The following UGT1A7 variants were observed in gnomAD, a reference collection of about 807,000 sequenced individuals.
The protein encoded by UGT1A7 is UDP-glucuronosyltransferase 1A7.
A neutral mutation model predicts 45.6 loss-of-function variants in UGT1A7; 33 were observed. The ratio of observed to expected loss-of-function variants is 0.72; its 90% CI spans 0.55 to 0.97. The LOEUF (loss-of-function observed/expected upper bound fraction) is 0.97, where lower values mean the gene tolerates loss of function less well. Among genes scored for constraint, UGT1A7 ranks in the 50% least tolerant of loss-of-function variants. UGT1A7 has a pLI of 0.00. For synonymous variants in UGT1A7, 274 were observed against 250.6 expected, an observed-to-expected ratio of 1.09 and a Z score of -0.88; for missense variants, 684 against 666.2, an observed-to-expected ratio of 1.03 and a Z score of -0.29.
intron 1 of UGT1A7, among the ~76,000 whole-genome samples, chr2:233,684,836 ATGGACACTGTATAG>A (rs1351698421): frequency 6.6e-6 from 1 of 152,246 alleles, no homozygotes; most frequent in Non-Finnish European, 1.5e-5. Flanking sequence ...AGAAAAATTT[ATGGACACTGTATAG>A]TGTTCCTTTC....
chr2:233,719,580 G>C, intron 1 of UGT1A7: 1 of 1,613,916 alleles, frequency 6.2e-7, no homozygotes, highest in Non-Finnish European at 8.5e-7. Context: ...CTATGCATCC[G>C]TGTGGCTGTT....
Position 233,769,430 on chromosome 2 carries a change from C to A in UGT1A7, c.1295+991C>A. On this transcript the variant is annotated intron_variant, in intron 4 of 4. Transcript: ENST00000373426. This position sits in a 1 kb window ranked among gnomAD's most constrained non-coding sequence, Gnocchi z 4.4. ...GTGTGCGTTTGTGCATGTGGCTGTG[C>A]TCATGTGTGGGTGCACACGTGTGCA... 1 of 1,537,408 alleles carries A rather than the reference C, an allele frequency of 6.5e-7. No individual in the cohort carries two copies. Among genetic ancestry groups the A allele is most frequent in the Non-Finnish European group, 8.9e-7 (1 of 1,118,580 alleles).
rs777601918 is a variant in UGT1A7, at chr2:233,713,151, A to G, written c.855+30359A>G. ...GGAGGCCTTGCGGGACCTCCATGCGAGAGGCCACCAGGTGGTGGTCCTCAC... is the reference window on the plus strand; with the variant it reads ...GGAGGCCTTGCGGGACCTCCATGCGGGAGGCCACCAGGTGGTGGTCCTCAC... On this transcript the variant is annotated intron_variant, in intron 1 of 4. Coordinates refer to ENST00000373426, the MANE Select transcript of UGT1A7 (RefSeq NM_019077.3). 26 of 1,614,124 alleles carry G rather than the reference A, an allele frequency of 1.6e-5. No individual in the cohort carries two copies. Among genetic ancestry groups the G allele is most frequent in the Non-Finnish European group, 2.2e-5 (26 of 1,180,052 alleles).
chr2:233,720,218 T>C (rs1362764993), intron 1 of UGT1A7, among the ~76,000 whole-genome samples: 2 of 152,126 alleles, frequency 1.3e-5, no homozygotes, highest in African/African-American at 2.4e-5. Context: ...GATGGATGCA[T>C]GTGATCAGAG....
chr2:233,718,674 T>C, intron 1 of UGT1A7: 1 of 1,557,312 alleles, frequency 6.4e-7, no homozygotes, highest in South Asian at 1.2e-5. Context: ...GATTAATGGG[T>C]AATAAGTAAC....
At chr2:233,692,948 C>T in intron 1 of UGT1A7, 1 of 1,601,152 alleles carries the variant, frequency 6.2e-7, no homozygotes, top group East Asian at 2.2e-5. Flanking sequence ...CCTAGGAGCC[C>T]TGTGATTTGG....
At chr2:233,702,807 T>A (rs568741359) in intron 1 of UGT1A7, among the ~76,000 whole-genome samples, 2 of 152,340 alleles carry the variant, frequency 1.3e-5, no homozygotes, top group South Asian at 4.1e-4. Flanking sequence ...CCTAGAATAA[T>A]CCCACTTGAT....
intron 1 of UGT1A7, among the ~76,000 whole-genome samples, chr2:233,762,788 C>T (rs553369718): frequency 6.6e-6 from 1 of 151,422 alleles, no homozygotes; most frequent in East Asian, 1.9e-4. Context: ...ATTATCTACT[C>T]ATTACTCAGC....
At chr2:233,735,728 T>G (rs1486359906) in intron 1 of UGT1A7, among the ~76,000 whole-genome samples, 42 of 152,184 alleles carry the variant, frequency 2.8e-4, no homozygotes, top group Admixed American at 2.7e-3. Context: ...CTCTCAGCAT[T>G]TGCTTGTCTA....
chr2:233,690,512 T>C, intron 1 of UGT1A7: 1 of 1,289,818 alleles, frequency 7.8e-7, no homozygotes, highest in Non-Finnish European at 1.0e-6. Flanking sequence ...AGATTTGTTT[T>C]ATCTTAGGAT....
chr2:233,718,776 G>A, intron 1 of UGT1A7: 1 of 1,612,920 alleles, frequency 6.2e-7, no homozygotes, highest in Middle Eastern at 2.0e-4. Flanking sequence ...AATGTAGCAG[G>A]CACAGCGTGG....
chr2:233,758,784 C>CAGT (rs1243444315), intron 1 of UGT1A7, among the ~76,000 whole-genome samples: 1 of 152,158 alleles, frequency 6.6e-6, no homozygotes, highest in Non-Finnish European at 1.5e-5. Context: ...GGGATCTGTG[C>CAGT]AGTTATCTTG....
intron 1 of UGT1A7, chr2:233,753,788 C>T (rs970692260): frequency 7.9e-5 from 12 of 152,166 alleles, no homozygotes; most frequent in Non-Finnish European, 1.8e-4. Context: ...CTTTACATTT[C>T]CAGGACCTAC....
intron 1 of UGT1A7, among the ~76,000 whole-genome samples, chr2:233,728,340 T>A (rs2077702192): frequency 6.6e-6 from 1 of 152,202 alleles, no homozygotes; most frequent in African/African-American, 2.4e-5. Flanking sequence ...CCCCAGTCCC[T>A]TGGTGAGCAG....
chr2:233,731,475 C>A lies in UGT1A7; in HGVS notation c.856-35559C>A, dbSNP rs368820066. ...AACAGGCCCTGGCGTGTGATGTTCC[C>A]TGGCCTGTGTCCAGTGTTCTTGCTG... On this transcript the variant is annotated intron_variant, in intron 1 of 4. Coordinates refer to ENST00000373426, the MANE Select transcript of UGT1A7 (RefSeq NM_019077.3). Among the ~76,000 whole-genome samples the A allele has an allele frequency of 3.1e-4, 47 of 152,264 alleles. No homozygotes were observed. The South Asian group carries it at 9.3e-3, about 30-fold the overall frequency.
intron 1 of UGT1A7, chr2:233,743,924 G>A: frequency 1.5e-6 from 2 of 1,361,192 alleles, no homozygotes; most frequent in East Asian, 4.6e-5. Flanking sequence ...CATGCTGGAT[G>A]GCCAGAACGG....
chr2:233,749,719 G>C (rs1207301331), intron 1 of UGT1A7, among the ~76,000 whole-genome samples: 2 of 151,972 alleles, frequency 1.3e-5, no homozygotes, highest in East Asian at 3.9e-4. Context: ...CATGGGGGCA[G>C]TTTCGCACCT....
intron 1 of UGT1A7, among the ~76,000 whole-genome samples, chr2:233,696,034 T>C (rs2075319099): frequency 6.6e-6 from 1 of 152,154 alleles, no homozygotes; most frequent in Admixed American, 6.5e-5. Flanking sequence ...AGTCCCTAAT[T>C]TACATTTGAA....
At chr2:233,718,827 A>T (rs1411325211) in intron 1 of UGT1A7, 1 of 1,613,418 alleles carries the variant, frequency 6.2e-7, no homozygotes, top group Non-Finnish European at 8.5e-7. Context: ...TGAGATGGCC[A>T]GAGGACTCCA....
Sources: allele counts gnomAD v4.1 joint callset (sites outside exome capture counted in the v4.1 genomes callset), GRCh38; gene constraint gnomAD v4.1.1; non-coding constraint Gnocchi (gnomAD v3.1); transcripts MANE v1.5; gene names NCBI Gene and HGNC (gene_info 2026-07-23, HGNC 2026-07-21).